BTBD9: variants seen among roughly 807,000 people sequenced by gnomAD.
BTBD9 encodes the protein BTB domain containing 9, also known as BTB/POZ domain-containing protein 9.
Under a neutral mutation model 64.3 loss-of-function variants are expected in BTBD9, and 49 were observed. The observed-to-expected ratio is 0.76, with a 90% CI of 0.61 to 0.97. The LOEUF (loss-of-function observed/expected upper bound fraction) is 0.97, where lower values mean the gene tolerates loss of function less well. Ranked by LOEUF, BTBD9 falls within the 50% of genes least tolerant of loss-of-function variation. The pLI is 0.00. For missense variants in BTBD9, 598 were observed against 762.1 expected (o/e 0.78, Z 2.53); for synonymous variants, 260 against 274.7 (o/e 0.95, Z 0.53).
chr6:38,577,728 C>A lies in BTBD9; in HGVS notation c.1035-9G>T. 1.3e-6 allele frequency: 2 copies of A among 1,596,894 alleles called. No individual in the cohort carries two copies. Among genetic ancestry groups the A allele is most frequent in the Admixed American group, 1.8e-5 (1 of 56,792 alleles). On this transcript the variant is annotated splice_polypyrimidine_tract_variant and intron_variant, in intron 5 of 10. Transcript: ENST00000481247. The stretch of plus-strand genomic sequence containing the variant: ...TGAAGTATGAGTAAGACCTGTGAAT[C>A]AAAAGGAAAAAGCAGAAAAAAATTA...
At chr6:38,464,348 T>C (rs375379798) in intron 6 of BTBD9, among the ~76,000 whole-genome samples, 2 of 152,180 alleles carry the variant, frequency 1.3e-5, no homozygotes, top group East Asian at 3.9e-4. Flanking sequence ...TGACATTGAT[T>C]GACATTTGAG....
chr6:38,593,148 T>C (rs1315087188), intron 3 of BTBD9, among the ~76,000 whole-genome samples: 1 of 152,206 alleles, frequency 6.6e-6, no homozygotes, highest in Non-Finnish European at 1.5e-5. Flanking sequence ...AAGCTGTCAA[T>C]ACATTCAGAT....
intron 6 of BTBD9, among the ~76,000 whole-genome samples, chr6:38,467,301 A>T (rs1246878577): frequency 6.6e-6 from 1 of 152,172 alleles, no homozygotes; most frequent in African/African-American, 2.4e-5. Context: ...TTCTTCCCCT[A>T]CAGCTAAGAG....
chr6:38,410,151 A>G (rs939581585), intron 6 of BTBD9, among the ~76,000 whole-genome samples: 2 of 152,194 alleles, frequency 1.3e-5, no homozygotes, highest in Non-Finnish European at 2.9e-5. Flanking sequence ...CAAAACATCT[A>G]TCTCTTATAT....
intron 1 of BTBD9, among the ~76,000 whole-genome samples, chr6:38,622,721 GGGGC>G (rs1562434253): frequency 6.6e-6 from 1 of 152,126 alleles, no homozygotes; most frequent in African/African-American, 2.4e-5. Flanking sequence ...GCCTGCCCCT[GGGGC>G]ACCTACTATC....
At chr6:38,256,067 T>TA (rs780657571) in intron 9 of BTBD9, among the ~76,000 whole-genome samples, 5,774 of 144,220 alleles carry the variant, frequency 0.04, 386 homozygotes, top group African/African-American at 0.13. Flanking sequence ...TTAAAAGTGT[T>TA]AAAAAAAAAA....
intron 7 of BTBD9, among the ~76,000 whole-genome samples, chr6:38,339,178 T>C (rs1027283294): frequency 6.6e-6 from 1 of 152,208 alleles, no homozygotes; most frequent in Non-Finnish European, 1.5e-5. Context: ...ATAGCACTAT[T>C]TGTAGTAGTG....
At chr6:38,504,347 A>ACC (rs1772350979) in intron 6 of BTBD9, 1 of 299,298 alleles carries the variant, frequency 3.3e-6, no homozygotes, top group African/African-American at 2.2e-5. Context: ...TTAACTGATG[A>ACC]TGGGCTATTA....
At chr6:38,471,538 A>C (rs1038981647) in intron 6 of BTBD9, among the ~76,000 whole-genome samples, 1 of 151,762 alleles carries the variant, frequency 6.6e-6, no homozygotes, top group Non-Finnish European at 1.5e-5. Context: ...GTACTGACTA[A>C]AGGTTTTTCG....
intron 6 of BTBD9, among the ~76,000 whole-genome samples, chr6:38,379,035 C>T (rs990338754): frequency 2.6e-5 from 4 of 152,070 alleles, no homozygotes; most frequent in African/African-American, 9.7e-5. Flanking sequence ...AACTAGGCTA[C>T]AGCAAATTAA....
At chr6:38,378,685 C>T (rs945722669) in intron 6 of BTBD9, among the ~76,000 whole-genome samples, 15 of 151,544 alleles carry the variant, frequency 9.9e-5, no homozygotes, top group African/African-American at 3.6e-4. Flanking sequence ...ATCGGCCTGA[C>T]CAACATAGTG....
Position 38,338,930 on chromosome 6 carries a change from C to T in BTBD9, c.1264+6054G>A, listed in dbSNP as rs569191617. On this transcript the variant is annotated intron_variant, in intron 7 of 10. Transcript: ENST00000481247. ...CACTGAGATACCATTTCTCACCTAT[C>T]GAACTGGCTAAAGTCCAGAAGTTTG... Among the ~76,000 whole-genome samples, 7 of 152,290 alleles carry T rather than the reference C, an allele frequency of 4.6e-5. No homozygotes were observed. In the South Asian group the frequency reaches 1.2e-3, roughly 27 times the overall value.
intron 6 of BTBD9, among the ~76,000 whole-genome samples, chr6:38,433,900 C>T (rs993620837): frequency 2.0e-5 from 3 of 151,970 alleles, no homozygotes; most frequent in East Asian, 1.9e-4. Context: ...TGGAACAGTG[C>T]CTGGCACTCA....
At chr6:38,602,107 T>C (rs7744175) in intron 1 of BTBD9, among the ~76,000 whole-genome samples, 2,413 of 152,280 alleles carry the variant, frequency 0.016, 64 homozygotes, top group African/African-American at 0.054. Flanking sequence ...CATGGGTTTA[T>C]CAGGACGTAA....
At chr6:38,460,711 C>T (rs1770043692) in intron 6 of BTBD9, among the ~76,000 whole-genome samples, 1 of 152,128 alleles carries the variant, frequency 6.6e-6, no homozygotes, top group African/African-American at 2.4e-5. Flanking sequence ...GCAGCCTCTG[C>T]CTCCTGGGTT....
At chr6:38,223,613 A>C (rs917201314) in intron 9 of BTBD9, among the ~76,000 whole-genome samples, 4 of 152,186 alleles carry the variant, frequency 2.6e-5, no homozygotes, top group Non-Finnish European at 5.9e-5. Flanking sequence ...GCTAGATTAT[A>C]GGTGTGAACC....
intron 8 of BTBD9, among the ~76,000 whole-genome samples, chr6:38,257,063 C>CTTTTTT (rs745545678): frequency 9.5e-4 from 106 of 111,352 alleles, no homozygotes; most frequent in African/African-American, 2.5e-3. Flanking sequence ...TTGCACACTT[C>CTTTTTT]TTTTTTTTTT....
intron 6 of BTBD9, among the ~76,000 whole-genome samples, chr6:38,378,981 C>A (rs1765808843): frequency 6.6e-6 from 1 of 151,936 alleles, no homozygotes; most frequent in Admixed American, 6.6e-5. Flanking sequence ...TGTAGGGTGA[C>A]CATATAATTT....
intron 6 of BTBD9, among the ~76,000 whole-genome samples, chr6:38,549,584 G>A (rs542704653): frequency 1.7e-4 from 25 of 150,924 alleles, no homozygotes; most frequent in African/African-American, 6.1e-4. Context: ...TGTCAGGAGA[G>A]GGAAAAAAAA....
Sources: gnomAD v4.1 joint callset for allele counts (sites outside exome capture counted in the v4.1 genomes callset) on GRCh38, gnomAD v4.1.1 for gene constraint, MANE v1.5 for transcripts, NCBI Gene and HGNC (gene_info 2026-07-23, HGNC 2026-07-21) for gene names.